HHIPL2: variants seen among roughly 807,000 people sequenced by gnomAD.
HHIPL2 encodes the protein HHIP-like protein 2.
In HHIPL2, 61 loss-of-function variants were observed where a neutral mutation model predicts 61.0. The observed-to-expected ratio is 1.00, with a 90% confidence interval of 0.81 to 1.24. The LOEUF is 1.24. HHIPL2 is among the 50% of genes most tolerant of loss of function. HHIPL2 has a pLI of 0.00. For synonymous variants in HHIPL2, 343 were observed against 357.4 expected, an observed-to-expected ratio of 0.96 and a Z score of 0.45; for missense variants, 885 against 910.2, an observed-to-expected ratio of 0.97 and a Z score of 0.36.
chr1:222,532,989 G>C (rs17163177), intron 5 of HHIPL2, among the ~76,000 whole-genome samples: 45,071 of 152,074 alleles, frequency 0.3, 6,766 homozygotes, highest in East Asian at 0.35. Flanking sequence ...GACCCTGGGT[G>C]CTCATCAGAA....
At chr1:222,539,410 A>G (rs1362557665) in intron 4 of HHIPL2, among the ~76,000 whole-genome samples, 1 of 151,722 alleles carries the variant, frequency 6.6e-6, no homozygotes, top group Non-Finnish European at 1.5e-5. Flanking sequence ...CATGCCTGTA[A>G]TCCCAGCTAC....
chr1:222,532,254 A>T, intron 5 of HHIPL2, 143 bp from the exon 6 acceptor site: 1 of 637,764 alleles, frequency 1.6e-6, no homozygotes, highest in Non-Finnish European at 2.5e-6. Flanking sequence ...CCAAGCAACC[A>T]AAAAGCTTCT....
chr1:222,538,421 GAC>G lies in HHIPL2; in HGVS notation c.1577+225_1577+226del, dbSNP rs1491332502. ...AAGTGAGCCCCTGGTATGAGAGAGA[GAC>G]AGAGAGAGAGAGAGAGAGAGAGAGA... is the stretch of plus-strand genomic sequence containing the variant. On this transcript the variant is annotated intron_variant, in intron 5 of 8. Transcript: ENST00000343410. Among the ~76,000 whole-genome samples, 129 of 148,426 alleles carry G rather than the reference GAC, an allele frequency of 8.7e-4. 1 individual carries two copies. The highest frequency in any genetic ancestry group is 3.4e-3 in the Middle Eastern group (1 of 294).
intron 6 of HHIPL2, among the ~76,000 whole-genome samples, chr1:222,530,480 A>G (rs990045825): frequency 1.3e-5 from 2 of 152,220 alleles, no homozygotes; most frequent in Admixed American, 6.5e-5. Flanking sequence ...GAACTCACAT[A>G]GACTTTTTCC....
At chr1:222,532,707 T>C (rs1659218610) in intron 5 of HHIPL2, among the ~76,000 whole-genome samples, 1 of 152,132 alleles carries the variant, frequency 6.6e-6, no homozygotes, top group Admixed American at 6.5e-5. Context: ...CTTTGGGTAG[T>C]TGCCCAATAT....
At chr1:222,541,989 G>A (rs1421558252) in intron 3 of HHIPL2, 23 bp downstream of exon 3, 8 of 1,588,134 alleles carry the variant, frequency 5.0e-6, no homozygotes, top group African/African-American at 2.7e-5. Context: ...AAGGGACAAG[G>A]GCCCGGCCCC....
At chr1:222,523,511 G>A (rs529291835) in intron 8 of HHIPL2, 101 bp downstream of exon 8, 16 of 1,061,758 alleles carry the variant, frequency 1.5e-5, no homozygotes, top group Middle Eastern at 4.9e-4. Flanking sequence ...TCCCTCAGGG[G>A]GTAACTAAGA....
Position 222,522,866 on chromosome 1 carries a change from T to C in HHIPL2, c.1910A>G (p.Lys637Arg), listed in dbSNP as rs2102606971. 1 of 1,614,144 alleles carries C rather than the reference T, an allele frequency of 6.2e-7. No individual in the cohort carries two copies. The highest frequency in any genetic ancestry group is 1.1e-5 in the South Asian group (1 of 91,086). Residue 637 changes from lysine (K) to arginine (R), a missense_variant, in exon 9 of 9, where the codon AAG (lysine) becomes AGG (arginine). Transcript: ENST00000343410. ...TCTAGCAGCTTTCTCTGATTGTTCC[T>C]TTAGCAAGTCCAAGACTGTCTCTGA... is the stretch of plus-strand genomic sequence containing the variant. ...PLAKTVLDLL[K>R]EQSEKAARKS...
At chr1:222,546,870 A>G (rs543531515) in intron 1 of HHIPL2, among the ~76,000 whole-genome samples, 58 of 152,328 alleles carry the variant, frequency 3.8e-4, no homozygotes, top group Middle Eastern at 3.4e-3. Context: ...GCCTGTGGAT[A>G]GCCAAGTCAT....
intron 5 of HHIPL2, among the ~76,000 whole-genome samples, chr1:222,537,504 G>A (rs566672274): frequency 6.6e-5 from 10 of 151,348 alleles, no homozygotes; most frequent in South Asian, 6.3e-4. Flanking sequence ...GGTGGCAGGC[G>A]CCTGTAGTCC....
chr1:222,546,071 T>TAAATAAATAAATAAATAAAA (rs1444171181), intron 1 of HHIPL2, among the ~76,000 whole-genome samples: 12 of 151,806 alleles, frequency 7.9e-5, no homozygotes, highest in African/African-American at 1.9e-4. Context: ...AATAAATAAA[T>TAAATAAATAAATAAATAAAA]AAAAGTCCTA....
chr1:222,544,776 A>G (rs924269326), intron 1 of HHIPL2, among the ~76,000 whole-genome samples: 3 of 152,256 alleles, frequency 2.0e-5, no homozygotes, highest in African/African-American at 4.8e-5. Flanking sequence ...TTGGAGATAC[A>G]GTGTTAATTA....
intron 5 of HHIPL2, among the ~76,000 whole-genome samples, chr1:222,533,130 T>G (rs900483838): frequency 3.3e-5 from 5 of 152,134 alleles, no homozygotes; most frequent in Admixed American, 3.3e-4. Flanking sequence ...TTTGGGAGGC[T>G]GAGGCGGGTG....
At chr1:222,531,022 G>A (rs1659176850) in intron 6 of HHIPL2, among the ~76,000 whole-genome samples, 2 of 152,118 alleles carry the variant, frequency 1.3e-5, no homozygotes, top group African/African-American at 2.4e-5. Context: ...ATGATAAAAT[G>A]TTTGGAAATG....
chr1:222,527,573 G>T (rs767019964), intron 6 of HHIPL2, among the ~76,000 whole-genome samples: 1 of 151,580 alleles, frequency 6.6e-6, no homozygotes, highest in African/African-American at 2.4e-5. Context: ...TTCTCCTCTC[G>T]GTCTTTTCCA....
chr1:222,533,475 A>G (rs1280169783), intron 5 of HHIPL2, among the ~76,000 whole-genome samples: 1 of 152,162 alleles, frequency 6.6e-6, no homozygotes, highest in Non-Finnish European at 1.5e-5. Flanking sequence ...GGAGAAAAAC[A>G]TGAAGAACAA....
intron 1 of HHIPL2, among the ~76,000 whole-genome samples, chr1:222,546,523 CTT>C (rs1235220648): frequency 3.3e-5 from 5 of 152,204 alleles, no homozygotes; most frequent in Non-Finnish European, 7.3e-5. Context: ...GAGCTGCTGA[CTT>C]TGACTTTCTG....
chr1:222,523,117 G>T (rs1430435511), intron 8 of HHIPL2, among the ~76,000 whole-genome samples: 1 of 151,958 alleles, frequency 6.6e-6, no homozygotes, highest in African/African-American at 2.4e-5. Flanking sequence ...AGTCTTTCCT[G>T]ACTCCCCACC....
chr1:222,540,665 T>C (rs1659413109), intron 3 of HHIPL2, among the ~76,000 whole-genome samples: 2 of 152,254 alleles, frequency 1.3e-5, no homozygotes, highest in Non-Finnish European at 2.9e-5. Flanking sequence ...TGAGCACAGC[T>C]TCTCTCTGAT....
Sources: gnomAD v4.1 joint callset for allele counts (sites outside exome capture counted in the v4.1 genomes callset) on GRCh38, gnomAD v4.1.1 for gene constraint, MANE v1.5 for transcripts, NCBI Gene and HGNC (gene_info 2026-07-23, HGNC 2026-07-21) for gene names.